PHEX: variants seen among roughly 807,000 people sequenced by gnomAD.
The protein encoded by PHEX is phosphate-regulating neutral endopeptidase PHEX.
Under a neutral mutation model 68.0 loss-of-function variants are expected in PHEX, and 16 were observed. That is an observed-to-expected ratio of 0.24 (90% CI 0.16 to 0.36). The LOEUF is 0.36. Among genes scored for constraint, PHEX ranks in the 10% least tolerant of loss-of-function variants. The probability of loss-of-function intolerance (pLI) is 1.00; values close to 1 mark genes in which losing one functional copy is unlikely to be tolerated. For missense variants in PHEX, 480 were observed against 575.5 expected, an observed-to-expected ratio of 0.83 and a Z score of 1.70; for synonymous variants, 208 against 205.1, an observed-to-expected ratio of 1.01 and a Z score of -0.12.
chrX:22,111,931 C>A (rs766055311), intron 10 of PHEX, among the ~76,000 whole-genome samples: 9 of 111,921 alleles, frequency 8.0e-5, no homozygotes, highest in Non-Finnish European at 1.7e-4. Flanking sequence ...TTGTAACTAT[C>A]TTTTATTCTC....
At chrX:22,049,250 T>C (rs1353859259) in intron 3 of PHEX, among the ~76,000 whole-genome samples, 3 of 110,808 alleles carry the variant, frequency 2.7e-5, no homozygotes, top group Non-Finnish European at 5.7e-5. Context: ...GTAGCTGGGA[T>C]TACAGGCACT....
intron 20 of PHEX, among the ~76,000 whole-genome samples, chrX:22,237,906 G>A (rs982953861): frequency 2.7e-5 from 3 of 112,752 alleles, no homozygotes; most frequent in African/African-American, 9.7e-5. Context: ...TTATGCTGCA[G>A]AAACAACACG....
At chrX:22,043,418 A>G (rs969965902) in intron 2 of PHEX, among the ~76,000 whole-genome samples, 2 of 112,016 alleles carry the variant, frequency 1.8e-5, no homozygotes, top group South Asian at 3.7e-4. Context: ...AGCACTTTAC[A>G]TATATTTAAT....
At chrX:22,035,131 G>A (rs1208363526) in intron 1 of PHEX, among the ~76,000 whole-genome samples, 4 of 111,019 alleles carry the variant, frequency 3.6e-5, no homozygotes, top group Non-Finnish European at 7.5e-5. Context: ...TCACTTACAT[G>A]CCTGCAATTT....
intron 12 of PHEX, among the ~76,000 whole-genome samples, chrX:22,148,434 A>G (rs1932766027): frequency 8.9e-6 from 1 of 112,026 alleles, no homozygotes; most frequent in South Asian, 3.7e-4. Context: ...AGAAAGATTC[A>G]ATCAAACTAC....
chrX:22,052,090 A>T (rs998368524), intron 3 of PHEX, among the ~76,000 whole-genome samples: 2 of 112,072 alleles, frequency 1.8e-5, no homozygotes, highest in African/African-American at 6.5e-5. Context: ...ATACAGGCTC[A>T]TCGTAGACCA....
rs756359037 is a variant in PHEX, at chrX:22,143,657, A to G, written c.1404+10033A>G. 8.9e-5 allele frequency among the ~76,000 whole-genome samples: 10 copies of G among 112,518 alleles called. No individual in the cohort carries two copies. The South Asian group carries it at 2.2e-3, about 25-fold the overall frequency. ...TTGGATATTTCCTGTGAATGAGATC[A>G]CGCACCAATGCGATTTTTGTGACTG... On this transcript the variant is annotated intron_variant, in intron 12 of 21. Transcript: ENST00000379374.
At chrX:22,139,591 T>C (rs1219466503) in intron 12 of PHEX, among the ~76,000 whole-genome samples, 2 of 110,750 alleles carry the variant, frequency 1.8e-5, no homozygotes, top group African/African-American at 6.6e-5. Context: ...TCCACCCACC[T>C]TAGCCTCCTG....
intron 5 of PHEX, among the ~76,000 whole-genome samples, chrX:22,088,890 T>G (rs2147033543): frequency 8.9e-6 from 1 of 112,556 alleles, no homozygotes; most frequent in Admixed American, 9.4e-5. Flanking sequence ...TAACAAAAAT[T>G]TTTCCCAATA....
intron 3 of PHEX, among the ~76,000 whole-genome samples, chrX:22,055,750 G>A (rs1246812251): frequency 9.0e-6 from 1 of 111,500 alleles, no homozygotes; most frequent in Non-Finnish European, 1.9e-5. Context: ...TAGTAGAGAC[G>A]GTGTTTTGCC....
chrX:22,240,196 A>AT (rs1429052397), intron 20 of PHEX, among the ~76,000 whole-genome samples: 1 of 112,363 alleles, frequency 8.9e-6, no homozygotes, highest in Non-Finnish European at 1.9e-5. Context: ...AGGCTGAGAG[A>AT]TTTTGTCACC....
intron 16 of PHEX, among the ~76,000 whole-genome samples, chrX:22,216,043 C>A (rs905447112): frequency 9.0e-6 from 1 of 111,262 alleles, no homozygotes; most frequent in African/African-American, 3.3e-5. Context: ...CGTTTAGACC[C>A]GCCCAAAGAG....
chrX:22,146,272 A>G (rs1932690558), intron 12 of PHEX, among the ~76,000 whole-genome samples: 1 of 112,227 alleles, frequency 8.9e-6, no homozygotes, highest in South Asian at 3.7e-4. Flanking sequence ...ACAGCATTTT[A>G]TTAATGAGCA....
intron 3 of PHEX, among the ~76,000 whole-genome samples, chrX:22,061,176 G>A (rs1420042096): frequency 1.8e-5 from 2 of 111,933 alleles, no homozygotes; most frequent in African/African-American, 6.5e-5. Flanking sequence ...GATGTCCTGC[G>A]CCTTAGAGAG....
chrX:22,198,156 A>G (rs1280347866), intron 15 of PHEX, among the ~76,000 whole-genome samples: 1 of 104,707 alleles, frequency 9.6e-6, no homozygotes, highest in Non-Finnish European at 1.9e-5. Context: ...TATAATATAT[A>G]TCAATATGTA....
At chrX:22,155,165 ACCTCC>A (rs1392863454) in intron 12 of PHEX, among the ~76,000 whole-genome samples, 1 of 111,510 alleles carries the variant, frequency 9.0e-6, no homozygotes, top group East Asian at 2.8e-4. Context: ...ACCCGCCTCG[ACCTCC>A]CAAAGTGCTG....
At chrX:22,034,577 AT>A (rs1435486080) in intron 1 of PHEX, among the ~76,000 whole-genome samples, 1 of 112,336 alleles carries the variant, frequency 8.9e-6, no homozygotes, top group African/African-American at 3.2e-5. Context: ...GGAGGCCTGC[AT>A]AAAATATGAA....
At position 22,032,918 on chromosome X, in the gene PHEX, G is replaced by T. The variant is rs1275703507; in HGVS notation, c.-88G>T. The T allele has an allele frequency of 3.0e-6, 2 of 662,722 alleles. No individual in the cohort carries two copies. The highest frequency in any genetic ancestry group is 6.4e-5 in the East Asian group (2 of 31,113). 54.6% of individuals were successfully genotyped at this position (662,722 alleles called of 1,213,427 possible). On this transcript the variant is annotated 5_prime_UTR_variant, in exon 1 of 22. Transcript: ENST00000379374. ...TGTCCATTAGTAGAAGAGCAAGAAA[G>T]CCTTGGATGTCAACGCCTCGCTCTT...
intron 21 of PHEX, 43 bp downstream of exon 21, chrX:22,245,452 T>TCC (rs1160692169): frequency 1.1e-6 from 1 of 877,690 alleles, no homozygotes; most frequent in Non-Finnish European, 1.7e-6. Flanking sequence ...ACTGTACATC[T>TCC]CCCCCCTTCC....
Sources: allele counts gnomAD v4.1 joint callset (sites outside exome capture counted in the v4.1 genomes callset), GRCh38; gene constraint gnomAD v4.1.1; transcripts MANE v1.5; gene names NCBI Gene and HGNC (gene_info 2026-07-23, HGNC 2026-07-21).